Variants in PIBF1 observed in about 807,000 individuals in gnomAD.
The protein encoded by PIBF1 is progesterone immunomodulatory binding factor 1.
In PIBF1, 90 loss-of-function variants were observed where a neutral mutation model predicts 112.5. That is an observed-to-expected ratio of 0.80 (90% CI 0.67 to 0.95). The LOEUF (loss-of-function observed/expected upper bound fraction) is 0.95. PIBF1 is among the 40% of genes least tolerant of loss of function. The pLI, the probability that PIBF1 is intolerant of heterozygous loss-of-function variation, is 0.00. For missense variants in PIBF1, 915 were observed against 852.3 expected, an observed-to-expected ratio of 1.07 and a Z score of -0.92; for synonymous variants, 301 against 288.6, an observed-to-expected ratio of 1.04 and a Z score of -0.44.
At chr13:72,821,200 G>T (rs2036542395) in intron 5 of PIBF1, among the ~76,000 whole-genome samples, 1 of 152,126 alleles carries the variant, frequency 6.6e-6, no homozygotes, top group Admixed American at 6.6e-5. Context: ...GAGAAATGGG[G>T]CTTGTAGGAA....
intron 8 of PIBF1, among the ~76,000 whole-genome samples, chr13:72,831,490 A>G (rs1216522687): frequency 1.3e-5 from 2 of 151,598 alleles, no homozygotes; most frequent in African/African-American, 4.9e-5. Flanking sequence ...GTTTCAAAGA[A>G]CATCTTTATT....
intron 5 of PIBF1, among the ~76,000 whole-genome samples, chr13:72,801,728 C>T (rs1048706966): frequency 3.3e-5 from 5 of 152,214 alleles, no homozygotes; most frequent in African/African-American, 9.6e-5. Context: ...ATGTGAATCA[C>T]AATAAAAAGT....
chr13:72,915,002 T>C (rs1347537210), intron 12 of PIBF1, among the ~76,000 whole-genome samples: 9 of 152,180 alleles, frequency 5.9e-5, no homozygotes, highest in Non-Finnish European at 8.8e-5. Flanking sequence ...ATTGAAAATA[T>C]TGGGGAAAAG....
intron 6 of PIBF1, among the ~76,000 whole-genome samples, chr13:72,825,855 C>T (rs1046882881): frequency 6.8e-6 from 1 of 146,778 alleles, no homozygotes; most frequent in African/African-American, 2.5e-5. Context: ...CACTTGAGCC[C>T]AGGACTTTAA....
rs111270201 is a variant in PIBF1, at chr13:72,898,451, C to T, written c.1488+4502C>T. On this transcript the variant is annotated intron_variant, in intron 11 of 17. Transcript: ENST00000326291. ...AACCCAGCAGAAGAAAGGAAATAACCGAGATCAGAGCAGAACTAAATGAAA... is the reference window on the plus strand; with the variant it reads ...AACCCAGCAGAAGAAAGGAAATAACTGAGATCAGAGCAGAACTAAATGAAA... 3.7e-3 allele frequency among the ~76,000 whole-genome samples: 559 copies of T among 151,614 alleles called. 7 individuals carry two copies. Among genetic ancestry groups the T allele is most frequent in the African/African-American group, 0.012 (509 of 41,370 alleles).
intron 5 of PIBF1, among the ~76,000 whole-genome samples, chr13:72,805,422 A>G (rs1018208766): frequency 2.6e-5 from 4 of 152,316 alleles, no homozygotes; most frequent in South Asian, 2.1e-4. Context: ...GATTACAGGT[A>G]TGAGCCACCA....
chr13:72,955,399 GTA>G (rs2042417674), intron 14 of PIBF1, among the ~76,000 whole-genome samples: 1 of 151,598 alleles, frequency 6.6e-6, no homozygotes, highest in Admixed American at 6.6e-5. Context: ...GTGTGTGTGT[GTA>G]TGTGCACATT....
chr13:72,971,598 A>AT (rs528920324), intron 15 of PIBF1, among the ~76,000 whole-genome samples: 29 of 152,236 alleles, frequency 1.9e-4, no homozygotes, highest in African/African-American at 4.8e-4. Context: ...TCTGATGCCT[A>AT]TTTTTTTATC....
intron 17 of PIBF1, among the ~76,000 whole-genome samples, chr13:73,013,757 AAAG>A (rs2044297345): frequency 8.4e-6 from 1 of 119,412 alleles, no homozygotes; most frequent in Non-Finnish European, 2.1e-5. Flanking sequence ...AAAAAAAGAA[AAAG>A]AAAAAATCCT....
intron 13 of PIBF1, among the ~76,000 whole-genome samples, chr13:72,920,559 T>C (rs2041252027): frequency 6.6e-6 from 1 of 152,218 alleles, no homozygotes; most frequent in Admixed American, 6.5e-5. Context: ...TTGCGCTCTT[T>C]TTATGTTTAT....
At chr13:72,988,819 T>G (rs146304932) in intron 16 of PIBF1, among the ~76,000 whole-genome samples, 2 of 152,052 alleles carry the variant, frequency 1.3e-5, no homozygotes, top group Non-Finnish European at 2.9e-5. Context: ...GGCAGATTGC[T>G]TGAGGTCAGG....
chr13:72,975,609 G>C (rs1244056008), intron 16 of PIBF1, among the ~76,000 whole-genome samples: 1 of 152,100 alleles, frequency 6.6e-6, no homozygotes, highest in Non-Finnish European at 1.5e-5. Flanking sequence ...TGGGTGAAAA[G>C]GATGAGAAAG....
At chr13:72,966,804 G>A (rs932061323) in intron 15 of PIBF1, among the ~76,000 whole-genome samples, 1 of 152,110 alleles carries the variant, frequency 6.6e-6, no homozygotes, top group Non-Finnish European at 1.5e-5. Context: ...AGCCACTCTG[G>A]AGGCTGAGAC....
intron 11 of PIBF1, among the ~76,000 whole-genome samples, chr13:72,904,054 G>T (rs12865979): frequency 6.6e-6 from 1 of 151,482 alleles, no homozygotes; most frequent in Non-Finnish European, 1.5e-5. Context: ...GAAAATGGAA[G>T]TATCCTTTCC....
At chr13:72,960,660 C>T (rs2042580408) in intron 14 of PIBF1, among the ~76,000 whole-genome samples, 1 of 152,162 alleles carries the variant, frequency 6.6e-6, no homozygotes, top group South Asian at 2.1e-4. Context: ...TTGAACTGTT[C>T]TGCACTTTGA....
chr13:72,959,083 C>T (rs1476472958), intron 14 of PIBF1, among the ~76,000 whole-genome samples: 2 of 152,124 alleles, frequency 1.3e-5, no homozygotes, highest in Non-Finnish European at 2.9e-5. Flanking sequence ...ACTGCAACCA[C>T]CTCCTGGATT....
chr13:72,867,951 T>C, intron 10 of PIBF1, among the ~76,000 whole-genome samples: 1 of 152,130 alleles, frequency 6.6e-6, no homozygotes, highest in Non-Finnish European at 1.5e-5. Context: ...ATGATGCCTA[T>C]GGTTTCTAAA....
At chr13:72,982,279 T>C (rs2043175519) in intron 16 of PIBF1, among the ~76,000 whole-genome samples, 1 of 151,804 alleles carries the variant, frequency 6.6e-6, no homozygotes, top group Non-Finnish European at 1.5e-5. Flanking sequence ...CTACAAAAAA[T>C]ATGAAAATTA....
intron 9 of PIBF1, among the ~76,000 whole-genome samples, chr13:72,843,756 A>G (rs886517379): frequency 1.3e-5 from 2 of 152,166 alleles, no homozygotes; most frequent in Non-Finnish European, 2.9e-5. Flanking sequence ...ACCAAGCTCA[A>G]AAGTGCTTAT....
Sources: allele counts gnomAD v4.1 joint callset (sites outside exome capture counted in the v4.1 genomes callset), GRCh38; gene constraint gnomAD v4.1.1; transcripts MANE v1.5; gene names NCBI Gene and HGNC (gene_info 2026-07-23, HGNC 2026-07-21).